Variants in BNC2 observed in about 807,000 individuals in gnomAD.
BNC2 encodes basonuclin zinc finger protein 2, also known as zinc finger protein basonuclin-2.
Under a neutral mutation model 76.3 loss-of-function variants are expected in BNC2, and 20 were observed. The ratio of observed to expected loss-of-function variants is 0.26; its 90% CI spans 0.18 to 0.38. The LOEUF is 0.38. Ranked by LOEUF, BNC2 falls within the 10% of genes least tolerant of loss-of-function variation. The probability of loss-of-function intolerance (pLI) is 1.00; values close to 1 mark genes in which losing one functional copy is unlikely to be tolerated. For missense variants in BNC2, 1,382 were observed against 1,399.8 expected (o/e 0.99, Z 0.20); for synonymous variants, 582 against 514.8 (o/e 1.13, Z -1.77).
intron 3 of BNC2, among the ~76,000 whole-genome samples, chr9:16,613,794 T>C (rs751690549): frequency 2.0e-5 from 3 of 152,134 alleles, no homozygotes; most frequent in South Asian, 2.1e-4. Flanking sequence ...CCAGAAGAAA[T>C]AGTGACAAGC....
chr9:16,779,841 G>C (rs1000109661), intron 1 of BNC2, among the ~76,000 whole-genome samples: 2 of 152,138 alleles, frequency 1.3e-5, no homozygotes, highest in Non-Finnish European at 2.9e-5. Flanking sequence ...CAGTGTTGTG[G>C]GGGGGCCAGG....
At chr9:16,512,889 A>G (rs911986914) in intron 5 of BNC2, among the ~76,000 whole-genome samples, 1 of 149,594 alleles carries the variant, frequency 6.7e-6, no homozygotes, top group Non-Finnish European at 1.5e-5. Context: ...AAATCCAAAC[A>G]CTTTGGGAGG....
At chr9:16,649,866 T>C (rs1437245008) in intron 3 of BNC2, among the ~76,000 whole-genome samples, 1 of 152,142 alleles carries the variant, frequency 6.6e-6, no homozygotes, top group Non-Finnish European at 1.5e-5. Context: ...GTAGTAAACT[T>C]CAGAGGTACC....
intron 1 of BNC2, among the ~76,000 whole-genome samples, chr9:16,760,674 ATG>A (rs1825527418): frequency 6.6e-6 from 1 of 152,220 alleles, no homozygotes; most frequent in Admixed American, 6.5e-5. Context: ...CAGTTGGACC[ATG>A]TAAGAAATCA....
chr9:16,621,208 T>A (rs1820858964), intron 3 of BNC2, among the ~76,000 whole-genome samples: 2 of 152,156 alleles, frequency 1.3e-5, no homozygotes. Flanking sequence ...GAGGGAAGAC[T>A]TTGCCAATTT....
At chr9:16,780,248 A>AAAC (rs1554729470) in intron 1 of BNC2, among the ~76,000 whole-genome samples, 4 of 133,012 alleles carry the variant, frequency 3.0e-5, no homozygotes, top group African/African-American at 1.0e-4. Flanking sequence ...AAAAAAAAAA[A>AAAC]AAAAAAAACA....
At chr9:16,486,456 C>T (rs1022966020) in intron 5 of BNC2, among the ~76,000 whole-genome samples, 3 of 152,154 alleles carry the variant, frequency 2.0e-5, no homozygotes, top group Non-Finnish European at 4.4e-5. Flanking sequence ...TTCTGACACC[C>T]AAATAAATGC....
In BNC2 at chr9:16,418,531, A is replaced by G. The variant is rs150109486; in HGVS notation, c.*458T>C. 2.6e-5 allele frequency: 4 copies of G among 156,738 alleles called. No homozygotes were observed. Among genetic ancestry groups the G allele is most frequent in the African/African-American group, 9.6e-5 (4 of 41,590 alleles). The allele number at this position is 156,738 out of a possible 1,614,324, so 9.7% of individuals were successfully genotyped here. On this transcript the variant is annotated 3_prime_UTR_variant, in exon 7 of 7. Coordinates refer to ENST00000380672, the MANE Select transcript of BNC2 (RefSeq NM_017637.6). ...ACCTTAAAGTTCACAAAAGACAACTATAAGAAGTTCCTTTTTGTTTCTTTT... is the reference window on the plus strand; with the variant it reads ...ACCTTAAAGTTCACAAAAGACAACTGTAAGAAGTTCCTTTTTGTTTCTTTT...
At chr9:16,539,673 AGGGAGG>A (rs1818247441) in intron 5 of BNC2, among the ~76,000 whole-genome samples, 1 of 33,268 alleles carries the variant, frequency 3.0e-5, no homozygotes, top group African/African-American at 1.3e-4. Context: ...GGAGGGAGGG[AGGGAGG>A]AAGGAAGGAA....
chr9:16,531,967 G>T (rs1391503448), intron 5 of BNC2, among the ~76,000 whole-genome samples: 1 of 152,000 alleles, frequency 6.6e-6, no homozygotes, highest in East Asian at 1.9e-4. Flanking sequence ...TGTTGCATGA[G>T]ATTCTTTAAC....
intron 3 of BNC2, among the ~76,000 whole-genome samples, chr9:16,714,244 T>A (rs1188201179): frequency 6.6e-6 from 1 of 152,176 alleles, no homozygotes; most frequent in Non-Finnish European, 1.5e-5. Flanking sequence ...TATGTAACAA[T>A]AAAACTATCT....
intron 1 of BNC2, among the ~76,000 whole-genome samples, chr9:16,804,633 G>T (rs1037945543): frequency 6.6e-6 from 1 of 152,188 alleles, no homozygotes; most frequent in Non-Finnish European, 1.5e-5. Context: ...AAACCAACTG[G>T]AACACGAAGT....
intron 5 of BNC2, among the ~76,000 whole-genome samples, chr9:16,452,656 C>T (rs994578805): frequency 7.2e-5 from 11 of 152,120 alleles, no homozygotes; most frequent in South Asian, 2.1e-4. Flanking sequence ...GTGATCCACC[C>T]GCCTCGGCCT....
At chr9:16,503,390 A>G (rs1279945328) in intron 5 of BNC2, among the ~76,000 whole-genome samples, 1 of 152,124 alleles carries the variant, frequency 6.6e-6, no homozygotes, top group East Asian at 1.9e-4. Context: ...ACTCTAATTC[A>G]TGCCCTCACA....
At chr9:16,848,678 G>A (rs1415586548) in intron 1 of BNC2, among the ~76,000 whole-genome samples, 1 of 152,100 alleles carries the variant, frequency 6.6e-6, no homozygotes, top group Admixed American at 6.6e-5. Context: ...AAGACTTTGG[G>A]ATTTGGTTAA....
intron 3 of BNC2, among the ~76,000 whole-genome samples, chr9:16,592,964 G>T (rs541288414): frequency 2.0e-5 from 3 of 151,534 alleles, no homozygotes. Flanking sequence ...TTTTCTATCC[G>T]GAAAAATCCA....
At chr9:16,545,782 G>C (rs1818462965) in intron 5 of BNC2, among the ~76,000 whole-genome samples, 1 of 152,122 alleles carries the variant, frequency 6.6e-6, no homozygotes. Context: ...CCACATCCAT[G>C]AAAATATCCC....
intron 5 of BNC2, among the ~76,000 whole-genome samples, chr9:16,467,783 G>A (rs1821725496): frequency 7.0e-6 from 1 of 142,574 alleles, no homozygotes; most frequent in African/African-American, 2.6e-5. Context: ...GTATACATAT[G>A]TAACTAACCT....
intron 1 of BNC2, among the ~76,000 whole-genome samples, chr9:16,805,078 G>C (rs568287898): frequency 6.8e-4 from 103 of 152,110 alleles, no homozygotes; most frequent in African/African-American, 2.5e-3. Context: ...AAAAAAAGTG[G>C]TGTGGGGATC....
Sources: gnomAD v4.1 joint callset for allele counts (sites outside exome capture counted in the v4.1 genomes callset) on GRCh38, gnomAD v4.1.1 for gene constraint, MANE v1.5 for transcripts, NCBI Gene and HGNC (gene_info 2026-07-23, HGNC 2026-07-21) for gene names.